The following TAF2 variants were observed in gnomAD, a reference collection of about 807,000 sequenced individuals.
TAF2 encodes the protein TATA-box binding protein associated factor 2, also known as transcription initiation factor TFIID subunit 2.
In TAF2, 61 loss-of-function variants were observed where a neutral mutation model predicts 138.5. The observed-to-expected ratio is 0.44, with a 90% confidence interval of 0.36 to 0.54. TAF2 has a LOEUF of 0.54. TAF2 is among the 20% of genes least tolerant of loss of function. The pLI is 0.00. For synonymous variants in TAF2, 475 were observed against 469.9 expected, an observed-to-expected ratio of 1.01 and a Z score of -0.14; for missense variants, 1,090 against 1,427.9, an observed-to-expected ratio of 0.76 and a Z score of 3.81.
At chr8:119,755,427 G>A (rs953972565) in intron 22 of TAF2, among the ~76,000 whole-genome samples, 3 of 152,126 alleles carry the variant, frequency 2.0e-5, no homozygotes, top group African/African-American at 7.2e-5. Flanking sequence ...AACCTAGGAG[G>A]TGGAGGTTGC....
chr8:119,797,816 G>A lies in TAF2; in HGVS notation c.823C>T (p.Pro275Ser). 2 of 1,613,522 alleles carry A rather than the reference G, an allele frequency of 1.2e-6. No homozygotes were observed. Among genetic ancestry groups the A allele is most frequent in the South Asian group, 1.1e-5 (1 of 91,050 alleles). ...VTHFCLPQLL[P>S]LLKHTTSYLH... ...TATGATGTGGTATGTTTCAGCAATG[G>A]AAGAAGTTGGGGCAAACAAAAATGA... Residue 275 changes from proline to serine, a missense_variant, in exon 7 of 26, where the codon CCA (proline) becomes TCA (serine). Coordinates refer to ENST00000378164, the MANE Select transcript of TAF2 (RefSeq NM_003184.4).
Position 119,762,549 on chromosome 8 carries a change from A to G in TAF2, c.2424T>C (p.Pro808=). 1 of 1,613,886 alleles carries G rather than the reference A, an allele frequency of 6.2e-7. No individual in the cohort carries two copies. The highest frequency in any genetic ancestry group is 8.5e-7 in the Non-Finnish European group (1 of 1,179,886). ...MIDALANSVT[P]AVSVNNEVRT... is the part of the protein sequence containing the mutation. ...TAACTTCATTATTCACACTGACTGC[A>G]GGTGTAACAGAGTTGGCCAGGGCAT... is the stretch of plus-strand genomic sequence containing the variant. The change falls in exon 19 of 26, where the codon CCT becomes CCC. Residue 808 remains proline, a synonymous_variant. Coordinates refer to ENST00000378164, the MANE Select transcript of TAF2 (RefSeq NM_003184.4).
intron 17 of TAF2, 117 bp downstream of exon 17, chr8:119,780,934 CAA>C (rs374156089): frequency 0.059 from 39,979 of 681,066 alleles, no homozygotes; most frequent in East Asian, 0.076. Context: ...GACTCTGTCT[CAA>C]AAAAAAAAAA....
At position 119,780,852 on chromosome 8, in the gene TAF2, G is replaced by A. The variant is rs560221610; in HGVS notation, c.2253+201C>T. 2.6e-4 allele frequency among the ~76,000 whole-genome samples: 39 copies of A among 151,172 alleles called. 1 individual carries two copies. The South Asian group carries it at 7.5e-3, about 29-fold the overall frequency. On this transcript the variant is annotated intron_variant, in intron 17 of 25. Coordinates refer to ENST00000378164, the MANE Select transcript of TAF2 (RefSeq NM_003184.4). ...CGGGAGGCTGAGGCAGGAGAATGGC[G>A]TGAACCCGGGAGGCGGAGCTTGCAG...
intron 18 of TAF2, among the ~76,000 whole-genome samples, chr8:119,776,375 C>T (rs566090034): frequency 3.0e-4 from 40 of 134,788 alleles, no homozygotes; most frequent in African/African-American, 1.1e-3. Flanking sequence ...ACTGTTGTAA[C>T]GTTTTATTAA....
At position 119,831,704 on chromosome 8, in the gene TAF2, G is replaced by C. The variant is rs778469602; in HGVS notation, c.111C>G (p.Asn37Lys). The C allele has an allele frequency of 1.2e-6, 2 of 1,605,310 alleles. No individual in the cohort carries two copies. The highest frequency in any genetic ancestry group is 1.7e-6 in the Non-Finnish European group (2 of 1,174,362). ...KLTHQVVCINNINFQRKSVVG... is the reference protein window; with the variant it reads ...KLTHQVVCINKINFQRKSVVG... ...CAACAGATTTTCTCTGGAAATTTAT[G>C]TTGTTGATGCAGACGACCTGATGGG... Residue 37 changes from asparagine to lysine, a missense_variant, in exon 2 of 26, where the codon AAC (asparagine) becomes AAG (lysine). Around this residue, in one of 3 missense-constraint regions of TAF2, gnomAD observed 504 missense variants for 680.9 expected, o/e 0.74. Coordinates refer to ENST00000378164, the MANE Select transcript of TAF2 (RefSeq NM_003184.4).
chr8:119,770,541 A>G (rs1821758718), intron 18 of TAF2, among the ~76,000 whole-genome samples: 1 of 152,180 alleles, frequency 6.6e-6, no homozygotes, highest in East Asian at 1.9e-4. Flanking sequence ...CAGACAAGCA[A>G]ATCAAGGGGA....
chr8:119,818,291 T>G (rs150726067), intron 3 of TAF2, among the ~76,000 whole-genome samples: 8 of 152,226 alleles, frequency 5.3e-5, no homozygotes, highest in African/African-American at 1.4e-4. Context: ...AAGTTCCCAG[T>G]TGATGCTGAT....
intron 3 of TAF2, among the ~76,000 whole-genome samples, chr8:119,810,067 G>C (rs1180610119): frequency 2.0e-5 from 3 of 149,516 alleles, no homozygotes; most frequent in African/African-American, 7.4e-5. Context: ...CAATAAAGGA[G>C]GTATGCCTGT....
chr8:119,775,971 T>C (rs772457543), intron 18 of TAF2, among the ~76,000 whole-genome samples: 5 of 152,206 alleles, frequency 3.3e-5, no homozygotes, highest in East Asian at 1.9e-4. Flanking sequence ...TTAAATTACA[T>C]GAAAATCTGA....
chr8:119,733,823 A>AC, intron 25 of TAF2, among the ~76,000 whole-genome samples: 1 of 150,994 alleles, frequency 6.6e-6, no homozygotes, highest in Non-Finnish European at 1.5e-5. Flanking sequence ...ATTAATTCAG[A>AC]CCACCTCACC....
At chr8:119,827,964 C>G (rs1190086397) in intron 2 of TAF2, among the ~76,000 whole-genome samples, 2 of 152,092 alleles carry the variant, frequency 1.3e-5, no homozygotes, top group African/African-American at 2.4e-5. Flanking sequence ...AGGTTGGTCT[C>G]AAACTCCTGA....
At chr8:119,756,193 G>A (rs1820691834) in intron 21 of TAF2, 78 bp from the exon 22 acceptor site, 2 of 967,008 alleles carry the variant, frequency 2.1e-6, no homozygotes, top group Non-Finnish European at 3.3e-6. Context: ...CATAAACACT[G>A]AAAAATTATC....
rs552444991 is a variant in TAF2 at position 119,832,822 on chromosome 8, A to C, written c.-258T>G. 499 of 452,414 alleles carry C rather than the reference A, an allele frequency of 1.1e-3. 3 individuals carry two copies. The highest frequency in any genetic ancestry group is 9.0e-3 in the African/African-American group (453 of 50,568). The allele number at this position is 452,414 out of a possible 1,614,324, so 28.0% of individuals were successfully genotyped here. On this transcript the variant is annotated 5_prime_UTR_variant, in exon 1 of 26. Transcript: ENST00000378164. ...AAGGGCTCGAAGCTACCATCCGCCG[A>C]CATCTTGTCTGTAACCTCTGACCTC...
chr8:119,788,448 C>G lies in TAF2; in HGVS notation c.1684-1G>C. 6.2e-7 allele frequency: 1 copy of G among 1,606,028 alleles called. No homozygotes were observed. The highest frequency in any genetic ancestry group is 8.5e-7 in the Non-Finnish European group (1 of 1,175,524). ...CCTGCACTGTCACTTTAAGTGGTCC[C>G]TTTTAAAAAAAAAACGTACTGTTCA... On this transcript the variant is annotated splice_acceptor_variant, in intron 13 of 25. Transcript: ENST00000378164. LOFTEE classifies it high-confidence loss of function.
chr8:119,737,017 A>G (rs1268002396), intron 25 of TAF2, among the ~76,000 whole-genome samples: 1 of 152,226 alleles, frequency 6.6e-6, no homozygotes, highest in African/African-American at 2.4e-5. Context: ...GTACAGAACA[A>G]AAACCTGGCT....
At chr8:119,784,826 C>A (rs1368159111) in intron 15 of TAF2, among the ~76,000 whole-genome samples, 3 of 152,118 alleles carry the variant, frequency 2.0e-5, no homozygotes, top group African/African-American at 7.2e-5. Context: ...AACTATCAGG[C>A]CTCACTAGTG....
At position 119,788,889 on chromosome 8, in the gene TAF2, C is replaced by T; in HGVS notation, c.1584G>A (p.Val528=). The change falls in exon 13 of 26, where the codon GTG becomes GTA. Residue 528 remains valine (V), a synonymous_variant. Transcript: ENST00000378164. ...LIKQWVDQSG[V]VKFYGSFAFN... ...ATGCAAAACTTCCATAAAATTTTAC[C>T]ACTCCACTCTGATCTCTGAAGAATT... The T allele has an allele frequency of 1.2e-6, 2 of 1,609,826 alleles. No homozygotes were observed. Among genetic ancestry groups the T allele is most frequent in the Non-Finnish European group, 1.7e-6 (2 of 1,176,286 alleles).
chr8:119,753,167 C>T (rs900135925), intron 22 of TAF2, among the ~76,000 whole-genome samples: 30 of 152,122 alleles, frequency 2.0e-4, no homozygotes, highest in African/African-American at 7.2e-4. Flanking sequence ...AACACACACA[C>T]AATTATTTTT....
Sources: gnomAD v4.1 joint callset for allele counts (sites outside exome capture counted in the v4.1 genomes callset) on GRCh38, gnomAD v4.1.1 for gene constraint, gnomAD v4.1.1 regional missense constraint, MANE v1.5 for transcripts, NCBI Gene and HGNC (gene_info 2026-07-23, HGNC 2026-07-21) for gene names.